The following ARID4B variants were observed in gnomAD, a reference collection of about 807,000 sequenced individuals.
ARID4B encodes the protein AT-rich interaction domain 4B.
ARID4B carries 26 observed loss-of-function variants against 147.5 expected under a neutral mutation model. The ratio of observed to expected loss-of-function variants is 0.18; its 90% confidence interval spans 0.13 to 0.24. The LOEUF is 0.24. Ranked by LOEUF, ARID4B falls within the 10% of genes least tolerant of loss-of-function variation. The pLI, the probability that ARID4B is intolerant of heterozygous loss-of-function variation, is 1.00. For missense variants in ARID4B, 1,179 were observed against 1,511.5 expected (o/e 0.78, Z 3.65); for synonymous variants, 512 against 507.9 (o/e 1.01, Z -0.11).
At chr1:235,196,747 G>A (rs936677364) in intron 17 of ARID4B, among the ~76,000 whole-genome samples, 1 of 151,798 alleles carries the variant, frequency 6.6e-6, no homozygotes, top group Non-Finnish European at 1.5e-5. Flanking sequence ...CAGCTACTCA[G>A]GAGGCTGAGG....
chr1:235,288,535 T>C (rs1443841544), intron 2 of ARID4B, among the ~76,000 whole-genome samples: 1 of 152,246 alleles, frequency 6.6e-6, no homozygotes, highest in Non-Finnish European at 1.5e-5. Flanking sequence ...TTTAGAGATC[T>C]TTCTACATCA....
intron 20 of ARID4B, chr1:235,180,116 T>C (rs1332891999): frequency 1.4e-5 from 2 of 148,088 alleles, no homozygotes; most frequent in East Asian, 3.9e-4. Flanking sequence ...ACCTGTTTTT[T>C]TCTTTCTTTT....
chr1:235,211,905 G>C (rs573445582), intron 17 of ARID4B, among the ~76,000 whole-genome samples: 1 of 152,176 alleles, frequency 6.6e-6, no homozygotes, highest in African/African-American at 2.4e-5. Flanking sequence ...GAGATCTCAA[G>C]TACCTTCTTT....
At chr1:235,263,883 A>T (rs1389287345) in intron 2 of ARID4B, among the ~76,000 whole-genome samples, 1 of 151,952 alleles carries the variant, frequency 6.6e-6, no homozygotes, top group Non-Finnish European at 1.5e-5. Flanking sequence ...AGTCCTAGCT[A>T]CTCAGGAGGC....
At position 235,182,751 on chromosome 1, in the gene ARID4B, C is replaced by A; in HGVS notation, c.2168G>T (p.Arg723Ile). Residue 723 changes from arginine to isoleucine, a missense_variant, in exon 20 of 24, where the codon AGA (arginine) becomes ATA (isoleucine). Transcript: ENST00000264183. Reference sequence around the variant, plus strand: ...ATTATTATCCATGTCTTGAGCACCTCTCTCATCTTCCTGCTCACTGTCTTC... The same window carrying A: ...ATTATTATCCATGTCTTGAGCACCTATCTCATCTTCCTGCTCACTGTCTTC... ...SAEDSEQEDE[R>I]GAQDMDNNGK... 2 of 1,605,672 alleles carry A rather than the reference C, an allele frequency of 1.2e-6. No homozygotes were observed. Among genetic ancestry groups the A allele is most frequent in the Non-Finnish European group, 1.7e-6 (2 of 1,176,404 alleles).
chr1:235,315,323 G>A (rs1480894233), intron 2 of ARID4B, among the ~76,000 whole-genome samples: 1 of 152,126 alleles, frequency 6.6e-6, no homozygotes, highest in Non-Finnish European at 1.5e-5. Context: ...TCAGCTACTT[G>A]GGTGACTGAG....
At chr1:235,193,159 G>A (rs532933888) in intron 19 of ARID4B, among the ~76,000 whole-genome samples, 1 of 152,114 alleles carries the variant, frequency 6.6e-6, no homozygotes, top group Non-Finnish European at 1.5e-5. Flanking sequence ...GCACTCGGGA[G>A]GCTAAGACAG....
At chr1:235,189,707 G>A (rs1558183678) in intron 19 of ARID4B, among the ~76,000 whole-genome samples, 1 of 151,464 alleles carries the variant, frequency 6.6e-6, no homozygotes, top group African/African-American at 2.4e-5. Context: ...GAACAGCCTG[G>A]GCTGAACATA....
intron 2 of ARID4B, among the ~76,000 whole-genome samples, chr1:235,303,176 G>A (rs1235301356): frequency 1.3e-5 from 2 of 152,118 alleles, no homozygotes; most frequent in South Asian, 2.1e-4. Context: ...GCCTGCCTCG[G>A]CCTCCCAGAG....
chr1:235,173,036 A>G (rs892380940), intron 22 of ARID4B, among the ~76,000 whole-genome samples: 1 of 150,706 alleles, frequency 6.6e-6, no homozygotes, highest in Admixed American at 6.6e-5. Flanking sequence ...TTACCACAGT[A>G]AAAAATCACA....
intron 5 of ARID4B, among the ~76,000 whole-genome samples, chr1:235,254,902 T>C (rs72756082): frequency 0.13 from 19,945 of 151,830 alleles, 1,524 homozygotes; most frequent in African/African-American, 0.2. Flanking sequence ...ATGTCCAAAT[T>C]AGCAAAAAAT....
At chr1:235,317,720 T>C (rs993088820) in intron 2 of ARID4B, among the ~76,000 whole-genome samples, 3 of 152,202 alleles carry the variant, frequency 2.0e-5, no homozygotes, top group Admixed American at 2.0e-4. Flanking sequence ...ATACCAGAGT[T>C]TCCTGTACTC....
At chr1:235,200,847 T>C (rs1221785773) in intron 17 of ARID4B, among the ~76,000 whole-genome samples, 2 of 152,068 alleles carry the variant, frequency 1.3e-5, no homozygotes, top group Non-Finnish European at 2.9e-5. Context: ...TTGAATTTCA[T>C]AAAAAATTAA....
intron 16 of ARID4B, among the ~76,000 whole-genome samples, chr1:235,218,025 T>C (rs544118838): frequency 6.6e-6 from 1 of 152,274 alleles, no homozygotes; most frequent in Non-Finnish European, 1.5e-5. Flanking sequence ...GCAATTATAA[T>C]ATGCTATAAT....
intron 23 of ARID4B, 33 bp from the exon 24 acceptor site, chr1:235,168,685 A>T: frequency 6.3e-7 from 1 of 1,594,434 alleles, no homozygotes. Context: ...CAAGAGCTTA[A>T]TAAAAATTTA....
intron 20 of ARID4B, among the ~76,000 whole-genome samples, chr1:235,179,332 G>A (rs998380963): frequency 2.6e-5 from 4 of 151,590 alleles, no homozygotes; most frequent in East Asian, 3.9e-4. Context: ...TCAGGAGTTC[G>A]TAGACCAGCC....
At chr1:235,239,174 G>A (rs1304355652) in intron 8 of ARID4B, among the ~76,000 whole-genome samples, 1 of 151,950 alleles carries the variant, frequency 6.6e-6, no homozygotes, top group African/African-American at 2.4e-5. Context: ...GTTTTGCCCT[G>A]TTGGCCAGGC....
At chr1:235,214,837 C>CTT (rs10657168) in intron 16 of ARID4B, among the ~76,000 whole-genome samples, 13,926 of 102,132 alleles carry the variant, frequency 0.14, 1,721 homozygotes, top group East Asian at 0.58. Flanking sequence ...GTATTACATC[C>CTT]TTTTTTTTTT....
rs1402028522 is a variant in ARID4B, at chr1:235,213,932, T to C, written c.1678A>G (p.Asn560Asp). 6 of 1,613,138 alleles carry C rather than the reference T, an allele frequency of 3.7e-6. No individual in the cohort carries two copies. Among genetic ancestry groups the C allele is most frequent in the Non-Finnish European group, 4.2e-6 (5 of 1,179,170 alleles). Reference protein sequence around the residue: ...EEEEDEDDDDNNEEEEFECYP... With the variant: ...EEEEDEDDDDDNEEEEFECYP... ...CACTCAAACTCCTCTTCCTCATTGT[T>C]GTCATCATCATCTTCATCCTCTTCT... Residue 560 changes from asparagine (N) to aspartate (D), a missense_variant, in exon 17 of 24, where the codon AAC becomes GAC. Asn to Asp is a conservative substitution (Grantham distance 23). Coordinates refer to ENST00000264183, the MANE Select transcript of ARID4B (RefSeq NM_016374.6).
Sources: gnomAD v4.1 joint callset for allele counts (sites outside exome capture counted in the v4.1 genomes callset) on GRCh38, gnomAD v4.1.1 for gene constraint, MANE v1.5 for transcripts, NCBI Gene and HGNC (gene_info 2026-07-23, HGNC 2026-07-21) for gene names.